The following NIPA2 variants were observed in gnomAD, a reference collection of about 807,000 sequenced individuals.
The protein encoded by NIPA2 is magnesium transporter NIPA2.
NIPA2 carries 11 observed loss-of-function variants against 29.7 expected under a neutral mutation model. The ratio of observed to expected loss-of-function variants is 0.37; its 90% CI spans 0.23 to 0.61. NIPA2 has a LOEUF of 0.61. Among genes scored for constraint, NIPA2 ranks in the 20% least tolerant of loss-of-function variants. The pLI is 0.66. For synonymous variants in NIPA2, 183 were observed against 161.9 expected, an observed-to-expected ratio of 1.13 and a Z score of -0.99; for missense variants, 426 against 437.9, an observed-to-expected ratio of 0.97 and a Z score of 0.24.
At chr15:22,853,085 G>C (rs1336257250) in intron 4 of NIPA2, 127 bp from the exon 5 acceptor site, 31 of 613,230 alleles carry the variant, frequency 5.1e-5, no homozygotes, top group South Asian at 3.3e-4. Flanking sequence ...GAGAAATCCC[G>C]AGTCATGCAG....
chr15:22,863,351 TGG>T (rs1257542788), intron 7 of NIPA2, among the ~76,000 whole-genome samples: 1 of 152,110 alleles, frequency 6.6e-6, no homozygotes, highest in Non-Finnish European at 1.5e-5. Context: ...CCCAAAGGGC[TGG>T]GATTACAGGC....
At chr15:22,858,516 T>C in intron 5 of NIPA2, 24 bp from the exon 6 acceptor site, 1 of 1,560,808 alleles carries the variant, frequency 6.4e-7, no homozygotes. Context: ...TACCTGAGTT[T>C]TTCTTTTGTT....
intron 7 of NIPA2, among the ~76,000 whole-genome samples, chr15:22,865,314 G>A (rs568574553): frequency 4.1e-4 from 62 of 151,876 alleles, no homozygotes; most frequent in African/African-American, 1.4e-3. Context: ...GTGAAACCCC[G>A]TCTCTACTAA....
At position 22,851,645 on chromosome 15, in the gene NIPA2, A is replaced by C. The variant is rs115330744; in HGVS notation, c.-87A>C. 5.7e-4 allele frequency: 638 copies of C among 1,115,648 alleles called. 6 individuals carry two copies. In the African/African-American group the frequency reaches 8.1e-3, roughly 14 times the overall value. 69.1% of individuals were successfully genotyped at this position (1,115,648 alleles called of 1,614,324 possible). On this transcript the variant is annotated 5_prime_UTR_variant, in exon 4 of 8. Transcript: ENST00000337451. Reference sequence around the variant, plus strand: ...TTCATTTTTTATTGTTTAGGTTTGAAGACTGCTTCATTCTGCCTCTAGTAC... The same window carrying C: ...TTCATTTTTTATTGTTTAGGTTTGACGACTGCTTCATTCTGCCTCTAGTAC...
chr15:22,866,861 A>G lies in NIPA2; in HGVS notation c.*14A>G. The G allele has an allele frequency of 6.4e-7, 1 of 1,570,758 alleles. No homozygotes were observed. On this transcript the variant is annotated 3_prime_UTR_variant, in exon 8 of 8. Transcript: ENST00000337451. Reference sequence around the variant, plus strand: ...ACAGCTTTTTAAGAAAGGTGTAATTAAAGGTTAATCTGTGATTGTTATGAA... The same window carrying G: ...ACAGCTTTTTAAGAAAGGTGTAATTGAAGGTTAATCTGTGATTGTTATGAA...
chr15:22,852,613 T>C (rs944714428), intron 4 of NIPA2, among the ~76,000 whole-genome samples: 10 of 152,204 alleles, frequency 6.6e-5, no homozygotes, highest in African/African-American at 2.2e-4. Context: ...GTATCCAGTT[T>C]AGTGAACTTC....
At chr15:22,848,849 AAAG>A (rs1276599163) in intron 3 of NIPA2, among the ~76,000 whole-genome samples, 23 of 151,372 alleles carry the variant, frequency 1.5e-4, no homozygotes, top group Admixed American at 3.3e-4. Flanking sequence ...AAAAAAAAAA[AAAG>A]AATTACTCCA....
chr15:22,852,723 A>C (rs1418851249), intron 4 of NIPA2, among the ~76,000 whole-genome samples: 6 of 152,022 alleles, frequency 3.9e-5, no homozygotes. Context: ...TATCAGGGAC[A>C]CTCGTGGTAG....
chr15:22,840,970 T>A (rs1272953252), intron 2 of NIPA2, among the ~76,000 whole-genome samples: 1 of 141,530 alleles, frequency 7.1e-6, no homozygotes, highest in East Asian at 2.0e-4. Flanking sequence ...CTATACATTG[T>A]GATATTGAAC....
chr15:22,843,072 T>G (rs1395641317), intron 2 of NIPA2, among the ~76,000 whole-genome samples: 1 of 151,928 alleles, frequency 6.6e-6, no homozygotes, highest in Non-Finnish European at 1.5e-5. Flanking sequence ...GTTACTAGTT[T>G]ACACAATTTG....
chr15:22,840,551 C>G (rs1448090419), intron 2 of NIPA2, among the ~76,000 whole-genome samples: 1 of 151,282 alleles, frequency 6.6e-6, no homozygotes, highest in Non-Finnish European at 1.5e-5. Flanking sequence ...CCGCCCGCCT[C>G]GACCCCCCAA....
At chr15:22,857,653 A>G (rs976278023) in intron 5 of NIPA2, among the ~76,000 whole-genome samples, 2 of 151,714 alleles carry the variant, frequency 1.3e-5, no homozygotes, top group African/African-American at 4.8e-5. Context: ...CCTGGTCAAC[A>G]TGGTGAAACC....
intron 3 of NIPA2, among the ~76,000 whole-genome samples, chr15:22,847,550 C>T (rs1595294648): frequency 1.3e-5 from 2 of 151,764 alleles, no homozygotes; most frequent in Admixed American, 6.6e-5. Context: ...CTGAAACCTC[C>T]GCCTTCTGGC....
chr15:22,866,853 G>T lies in NIPA2; in HGVS notation c.*6G>T. The T allele has an allele frequency of 1.3e-6, 2 of 1,510,132 alleles. No homozygotes were observed. The highest frequency in any genetic ancestry group is 1.8e-6 in the Non-Finnish European group (2 of 1,106,206). 93.5% of individuals were successfully genotyped at this position (1,510,132 alleles called of 1,614,324 possible). ...GAAATCTGACAGCTTTTTAAGAAAG[G>T]TGTAATTAAAGGTTAATCTGTGATT... On this transcript the variant is annotated 3_prime_UTR_variant, in exon 8 of 8. Coordinates refer to ENST00000337451, the MANE Select transcript of NIPA2 (RefSeq NM_030922.7).
intron 2 of NIPA2, among the ~76,000 whole-genome samples, chr15:22,840,822 T>G (rs1267546054): frequency 6.6e-6 from 1 of 152,090 alleles, no homozygotes; most frequent in Non-Finnish European, 1.5e-5. Context: ...TAGGGAGAGA[T>G]AATAAAAAGA....
intron 5 of NIPA2, among the ~76,000 whole-genome samples, chr15:22,854,769 A>AT (rs1170798806): frequency 3.3e-5 from 5 of 152,136 alleles, no homozygotes; most frequent in Admixed American, 2.0e-4. Flanking sequence ...AAAAAAAATT[A>AT]TTATTGACTG....
chr15:22,857,644 C>A (rs922152594), intron 5 of NIPA2, among the ~76,000 whole-genome samples: 1 of 151,582 alleles, frequency 6.6e-6, no homozygotes, highest in African/African-American at 2.4e-5. Context: ...CAAGACCAGC[C>A]TGGTCAACAT....
intron 4 of NIPA2, among the ~76,000 whole-genome samples, chr15:22,852,676 G>A (rs1456962878): frequency 6.6e-6 from 1 of 152,120 alleles, no homozygotes; most frequent in Non-Finnish European, 1.5e-5. Context: ...AAGACCCTGC[G>A]GGGTAATCAG....
chr15:22,856,681 ATAAACT>A (rs1449299501), intron 5 of NIPA2, among the ~76,000 whole-genome samples: 1 of 152,204 alleles, frequency 6.6e-6, no homozygotes, highest in Non-Finnish European at 1.5e-5. Flanking sequence ...AGAAAACAGG[ATAAACT>A]TTAACAGCTA....
Sources: allele counts gnomAD v4.1 joint callset (sites outside exome capture counted in the v4.1 genomes callset), GRCh38; gene constraint gnomAD v4.1.1; transcripts MANE v1.5; gene names NCBI Gene and HGNC (gene_info 2026-07-23, HGNC 2026-07-21).